The following MLLT3 variants were observed in gnomAD, a reference collection of about 807,000 sequenced individuals.
MLLT3 encodes MLLT3 super elongation complex subunit.
MLLT3 carries 4 observed loss-of-function variants against 53.2 expected under a neutral mutation model. That is an observed-to-expected ratio of 0.08 (90% CI 0.04 to 0.17). The LOEUF (loss-of-function observed/expected upper bound fraction) is 0.17. Among genes scored for constraint, MLLT3 ranks in the 10% least tolerant of loss-of-function variants. MLLT3 has a pLI of 1.00. For synonymous variants in MLLT3, 283 were observed against 230.6 expected (o/e 1.23, Z -2.06); for missense variants, 569 against 684.0 (o/e 0.83, Z 1.87).
intron 5 of MLLT3, among the ~76,000 whole-genome samples, chr9:20,410,082 T>C (rs778873763): frequency 6.6e-6 from 1 of 152,322 alleles, no homozygotes; most frequent in East Asian, 1.9e-4. Flanking sequence ...ACATTGATCA[T>C]GTAGCAGAAC....
intron 2 of MLLT3, among the ~76,000 whole-genome samples, chr9:20,565,203 T>A (rs912898064): frequency 4.6e-5 from 7 of 152,102 alleles, no homozygotes; most frequent in African/African-American, 1.7e-4. Context: ...CACTGAGTAT[T>A]TGTTTACAAT....
intron 4 of MLLT3, among the ~76,000 whole-genome samples, chr9:20,442,799 C>A (rs1682182005): frequency 6.6e-6 from 1 of 152,096 alleles, no homozygotes; most frequent in African/African-American, 2.4e-5. Flanking sequence ...GAAAACAGAT[C>A]ATATATAAAT....
intron 5 of MLLT3, among the ~76,000 whole-genome samples, chr9:20,371,745 C>T (rs1231449973): frequency 4.6e-5 from 7 of 152,218 alleles, no homozygotes; most frequent in Non-Finnish European, 8.8e-5. Flanking sequence ...CCTGCTAATA[C>T]ATCTATTCTG....
chr9:20,558,500 C>A (rs896228417), intron 2 of MLLT3, among the ~76,000 whole-genome samples: 9 of 152,106 alleles, frequency 5.9e-5, no homozygotes, highest in Non-Finnish European at 1.3e-4. Context: ...AAACCTAAAC[C>A]TCACTTGTGC....
rs1352430594 is a variant in MLLT3 at position 20,520,492 on chromosome 9, G to T, written c.194-63706C>A. 2.6e-5 allele frequency among the ~76,000 whole-genome samples: 4 copies of T among 152,276 alleles called. No homozygotes were observed. The East Asian group carries it at 7.7e-4, about 29-fold the overall frequency. On this transcript the variant is annotated intron_variant, in intron 2 of 10. Coordinates refer to ENST00000380338, the MANE Select transcript of MLLT3 (RefSeq NM_004529.4). ...CCAGCTAAGTTCCATCCTAAATGCT[G>T]TGAAAAGTGATTTCCTTCATGTAAC...
At chr9:20,532,043 A>G (rs1563804188) in intron 2 of MLLT3, among the ~76,000 whole-genome samples, 1 of 152,170 alleles carries the variant, frequency 6.6e-6, no homozygotes, top group Non-Finnish European at 1.5e-5. Context: ...TGACCAAATT[A>G]AAACGATTGC....
intron 2 of MLLT3, among the ~76,000 whole-genome samples, chr9:20,525,431 G>A (rs1818176896): frequency 1.3e-5 from 2 of 152,314 alleles, no homozygotes; most frequent in South Asian, 4.1e-4. Context: ...GGAAGGCGGA[G>A]GTTACAGTGT....
chr9:20,375,839 A>G (rs948356038), intron 5 of MLLT3, among the ~76,000 whole-genome samples: 1 of 151,086 alleles, frequency 6.6e-6, no homozygotes, highest in African/African-American at 2.4e-5. Context: ...CCATCTCCTG[A>G]CCTCGTGATC....
At chr9:20,559,257 G>A (rs1435159873) in intron 2 of MLLT3, among the ~76,000 whole-genome samples, 1 of 152,164 alleles carries the variant, frequency 6.6e-6, no homozygotes, top group Non-Finnish European at 1.5e-5. Context: ...GAGAGCAAAG[G>A]ATACTCCTTT....
At chr9:20,539,673 C>T (rs1350642399) in intron 2 of MLLT3, among the ~76,000 whole-genome samples, 2 of 152,202 alleles carry the variant, frequency 1.3e-5, no homozygotes, top group Non-Finnish European at 2.9e-5. Flanking sequence ...ACGGGGATTA[C>T]AATTCAACAT....
chr9:20,542,518 G>A (rs1474611710), intron 2 of MLLT3, among the ~76,000 whole-genome samples: 1 of 152,184 alleles, frequency 6.6e-6, no homozygotes, highest in African/African-American at 2.4e-5. Flanking sequence ...CCAAAGTGCT[G>A]GGATTACAGG....
intron 2 of MLLT3, among the ~76,000 whole-genome samples, chr9:20,499,227 C>A (rs1186335002): frequency 1.3e-5 from 2 of 152,160 alleles, no homozygotes; most frequent in Admixed American, 6.5e-5. Context: ...ATGATGACCT[C>A]ATCCTAAATT....
intron 4 of MLLT3, among the ~76,000 whole-genome samples, chr9:20,426,119 T>C (rs568100299): frequency 3.7e-4 from 56 of 152,236 alleles, no homozygotes; most frequent in African/African-American, 1.2e-3. Context: ...ATATACTCCC[T>C]GACTTGCTAT....
intron 2 of MLLT3, among the ~76,000 whole-genome samples, chr9:20,470,565 C>G (rs752586390): frequency 3.3e-5 from 5 of 152,006 alleles, no homozygotes; most frequent in African/African-American, 9.7e-5. Flanking sequence ...ACCAGAAAGA[C>G]TACCAAGAAA....
chr9:20,564,977 C>T (rs1026735631), intron 2 of MLLT3, among the ~76,000 whole-genome samples: 9 of 152,090 alleles, frequency 5.9e-5, no homozygotes, highest in Admixed American at 1.3e-4. Context: ...TCAGCTTACA[C>T]GTCTTCCATT....
In MLLT3 at chr9:20,621,057, A is replaced by G. The variant is rs755646897; in HGVS notation, c.13-223T>C. On this transcript the variant is annotated intron_variant, in intron 1 of 10. Coordinates refer to ENST00000380338, the MANE Select transcript of MLLT3 (RefSeq NM_004529.4). This position sits in a 1 kb window ranked among gnomAD's most constrained non-coding sequence, Gnocchi z 7.0. Reference sequence around the variant, plus strand: ...TGGCCCCAGGCGCCCCGGGCCCCGCATCTACATCGGACAGGATTGTAACGG... The same window carrying G: ...TGGCCCCAGGCGCCCCGGGCCCCGCGTCTACATCGGACAGGATTGTAACGG... The G allele has an allele frequency of 1.0e-5, 7 of 683,852 alleles. No individual in the cohort carries two copies. The highest frequency in any genetic ancestry group is 1.6e-5 in the Non-Finnish European group (6 of 377,262). The allele number at this position is 683,852 out of a possible 1,614,324, so 42.4% of individuals were successfully genotyped here.
At chr9:20,421,316 A>G (rs1823003110) in intron 4 of MLLT3, among the ~76,000 whole-genome samples, 1 of 152,080 alleles carries the variant, frequency 6.6e-6, no homozygotes, top group Admixed American at 6.6e-5. Context: ...AAAGAAAACA[A>G]TGAAAATAGC....
intron 5 of MLLT3, among the ~76,000 whole-genome samples, chr9:20,376,825 G>A (rs952084222): frequency 2.0e-5 from 3 of 152,188 alleles, no homozygotes; most frequent in Non-Finnish European, 4.4e-5. Context: ...GTTGCAAGAT[G>A]TGTTCTAAGA....
intron 2 of MLLT3, among the ~76,000 whole-genome samples, chr9:20,517,373 T>A (rs2118972699): frequency 6.6e-6 from 1 of 151,838 alleles, no homozygotes; most frequent in East Asian, 1.9e-4. Context: ...GGCACCCAGA[T>A]TGAGGTTTCT....
Sources: gnomAD v4.1 joint callset for allele counts (sites outside exome capture counted in the v4.1 genomes callset) on GRCh38, gnomAD v4.1.1 for gene constraint, Gnocchi (gnomAD v3.1) non-coding constraint, MANE v1.5 for transcripts, NCBI Gene and HGNC (gene_info 2026-07-23, HGNC 2026-07-21) for gene names.